The following TRPM7 variants were observed in gnomAD, a reference collection of about 807,000 sequenced individuals.
TRPM7 encodes the protein transient receptor potential cation channel subfamily M member 7, also known as LTRPC ion channel family member 7.
TRPM7 carries 134 observed loss-of-function variants against 229.7 expected under a neutral mutation model. The observed-to-expected ratio is 0.58, with a 90% CI of 0.51 to 0.67. TRPM7 has a LOEUF of 0.67. TRPM7 is among the 30% of genes least tolerant of loss of function. The pLI, the probability that TRPM7 is intolerant of heterozygous loss-of-function variation, is 0.00. For synonymous variants in TRPM7, 699 were observed against 715.2 expected (o/e 0.98, Z 0.36); for missense variants, 1,901 against 2,210.0 (o/e 0.86, Z 2.80).
chr15:50,636,279 C>T (rs2060904945), intron 7 of TRPM7, among the ~76,000 whole-genome samples: 1 of 151,912 alleles, frequency 6.6e-6, no homozygotes, highest in African/African-American at 2.4e-5. Flanking sequence ...CAGCCTCCGC[C>T]TCCTGGGCTC....
intron 1 of TRPM7, among the ~76,000 whole-genome samples, chr15:50,664,966 AAAATAAAT>A (rs1162647271): frequency 6.6e-6 from 1 of 152,216 alleles, no homozygotes; most frequent in African/African-American, 2.4e-5. Context: ...CCCTGTCTTA[AAAATAAAT>A]AAATAATCAG....
intron 1 of TRPM7, among the ~76,000 whole-genome samples, chr15:50,668,489 T>G (rs2061929339): frequency 6.6e-6 from 1 of 152,124 alleles, no homozygotes; most frequent in African/African-American, 2.4e-5. Context: ...ACTCTTAACT[T>G]ATGGCAATAG....
chr15:50,629,822 G>A (rs2060676010), intron 10 of TRPM7, among the ~76,000 whole-genome samples: 1 of 149,352 alleles, frequency 6.7e-6, no homozygotes, highest in Non-Finnish European at 1.5e-5. Flanking sequence ...AAAAGTACAT[G>A]GTAAATAATT....
chr15:50,681,450 G>C (rs1245223253), intron 1 of TRPM7, among the ~76,000 whole-genome samples: 1 of 152,092 alleles, frequency 6.6e-6, no homozygotes, highest in Non-Finnish European at 1.5e-5. Flanking sequence ...TATAGTAAAG[G>C]CTAATGTATA....
chr15:50,623,215 C>T (rs2060461482), intron 12 of TRPM7, among the ~76,000 whole-genome samples: 1 of 151,804 alleles, frequency 6.6e-6, no homozygotes, highest in African/African-American at 2.4e-5. Flanking sequence ...AGATCAAGAC[C>T]ATCCTGGCCA....
At chr15:50,629,600 T>C (rs944631106) in intron 10 of TRPM7, among the ~76,000 whole-genome samples, 1 of 152,126 alleles carries the variant, frequency 6.6e-6, no homozygotes, top group Non-Finnish European at 1.5e-5. Flanking sequence ...CCTCTACTAA[T>C]TATCTATTAC....
intron 2 of TRPM7, among the ~76,000 whole-genome samples, chr15:50,662,165 A>G (rs2061740861): frequency 6.6e-6 from 1 of 152,322 alleles, no homozygotes; most frequent in Non-Finnish European, 1.5e-5. Flanking sequence ...CATCCTGGCT[A>G]ACATGGTGAA....
At chr15:50,603,905 CA>C (rs2059848537) in intron 21 of TRPM7, 1 of 151,416 alleles carries the variant, frequency 6.6e-6, no homozygotes, top group Non-Finnish European at 1.5e-5. Context: ...AAGTCTGAAA[CA>C]AACACATGTG....
chr15:50,575,328 T>G (rs1453383192), intron 33 of TRPM7, among the ~76,000 whole-genome samples, 193 bp from the exon 34 acceptor site: 2 of 152,232 alleles, frequency 1.3e-5, no homozygotes, highest in Non-Finnish European at 2.9e-5. Context: ...TGAATTCATG[T>G]GTAATGTTAG....
rs1566923670 is a variant in TRPM7, at chr15:50,561,502, C to T, written c.*176G>A. The T allele has an allele frequency of 1.1e-5, 7 of 630,832 alleles. No individual in the cohort carries two copies. Among genetic ancestry groups the T allele is most frequent in the Non-Finnish European group, 1.8e-5 (7 of 384,090 alleles). The allele number at this position is 630,832 out of a possible 1,614,324, so 39.1% of individuals were successfully genotyped here. On this transcript the variant is annotated 3_prime_UTR_variant, in exon 39 of 39. Transcript: ENST00000646667. ...AGCTGCCAGCTCTATCCTATAGGGA[C>T]TTTCTGACTGATTAATCAGGTCAAA...
intron 12 of TRPM7, among the ~76,000 whole-genome samples, chr15:50,623,136 G>A (rs949688205): frequency 1.5e-4 from 23 of 152,044 alleles, no homozygotes; most frequent in African/African-American, 5.1e-4. Flanking sequence ...ATTTTTGGCC[G>A]GGTGCAGTGG....
chr15:50,567,859 C>G (rs916355900), intron 38 of TRPM7, among the ~76,000 whole-genome samples: 1 of 151,926 alleles, frequency 6.6e-6, no homozygotes, highest in African/African-American at 2.4e-5. Context: ...GAGGCCGAGG[C>G]AGGCGGATCA....
Position 50,637,461 on chromosome 15 carries a change from C to T in TRPM7, c.793G>A (p.Glu265Lys), listed in dbSNP as rs1354899148. The T allele has an allele frequency of 3.1e-6, 5 of 1,611,644 alleles. No homozygotes were observed. Among genetic ancestry groups the T allele is most frequent in the Non-Finnish European group, 4.2e-6 (5 of 1,179,560 alleles). Residue 265 changes from glutamate to lysine, a missense_variant, in exon 7 of 39, where the codon GAA becomes AAA. This residue lies in a region of TRPM7 where 794 missense variants were observed against 881.9 expected (regional missense o/e 0.90). Transcript: ENST00000646667. ...KYGAEVRLRRELEKTINQQRI... is the reference protein window; with the variant it reads ...KYGAEVRLRRKLEKTINQQRI... The stretch of plus-strand genomic sequence containing the variant: ...TGCTGATTAATAGTTTTTTCAAGTT[C>T]TCTTCTCAGTCTGACTTCCGCCCCA...
chr15:50,578,242 T>A lies in TRPM7; in HGVS notation c.4618+397A>T, dbSNP rs144966052. Among the ~76,000 whole-genome samples the A allele has an allele frequency of 3.9e-5, 6 of 152,276 alleles. No homozygotes were observed. In the East Asian group the frequency reaches 1.2e-3, roughly 29 times the overall value. On this transcript the variant is annotated intron_variant, in intron 31 of 38. Coordinates refer to ENST00000646667, the MANE Select transcript of TRPM7 (RefSeq NM_017672.6). ...TAATGGTCTAAGCTGAAAGCAGCAG[T>A]GGGATGTATAGTGGAGGATGGATTT...
At chr15:50,607,611 C>A (rs1436232976) in intron 19 of TRPM7, among the ~76,000 whole-genome samples, 2 of 152,164 alleles carry the variant, frequency 1.3e-5, no homozygotes, top group Admixed American at 6.5e-5. Context: ...TTTATGTTCT[C>A]AGCATATGCC....
At chr15:50,633,811 T>G (rs962558398) in intron 8 of TRPM7, among the ~76,000 whole-genome samples, 1 of 152,226 alleles carries the variant, frequency 6.6e-6, no homozygotes. Context: ...ATGAAACTAC[T>G]ACGTTAAAAG....
chr15:50,630,148 C>A (rs1023747066), intron 10 of TRPM7, among the ~76,000 whole-genome samples: 7 of 152,092 alleles, frequency 4.6e-5, no homozygotes, highest in African/African-American at 1.7e-4. Flanking sequence ...AGGTGTGAGC[C>A]AGCGCACGCA....
rs563909133 is a variant in TRPM7, at chr15:50,642,522, T to C, written c.535+818A>G. Among the ~76,000 whole-genome samples the C allele has an allele frequency of 2.0e-5, 3 of 152,312 alleles. No individual in the cohort carries two copies. The South Asian group carries it at 6.2e-4, about 32-fold the overall frequency. On this transcript the variant is annotated intron_variant, in intron 5 of 38. Coordinates refer to ENST00000646667, the MANE Select transcript of TRPM7 (RefSeq NM_017672.6). The stretch of plus-strand genomic sequence containing the variant: ...TTCCCCAATGCTGTTCTGGTGATAG[T>C]GACTGAGTTCTCCCAAGATCTGATG...
rs567974930 is a variant in TRPM7 at position 50,558,682 on chromosome 15, G to A, written c.*2996C>T. ...TACTCCGGCCTGGGCAACAGAGTGA[G>A]ACTTCAACTCAAAAAAACAAAAATA... On this transcript the variant is annotated 3_prime_UTR_variant, in exon 39 of 39. Coordinates refer to ENST00000646667, the MANE Select transcript of TRPM7 (RefSeq NM_017672.6). 1.3e-5 allele frequency: 2 copies of A among 151,692 alleles called. No homozygotes were observed. Among genetic ancestry groups the A allele is most frequent in the Non-Finnish European group, 2.9e-5 (2 of 67,992 alleles). 9.4% of individuals were successfully genotyped at this position (151,692 alleles called of 1,614,324 possible). A position where few individuals can be genotyped will look rare whatever the true frequency, so the allele number is the denominator to read the frequency against.
Sources: allele counts gnomAD v4.1 joint callset (sites outside exome capture counted in the v4.1 genomes callset), GRCh38; gene constraint gnomAD v4.1.1; regional missense constraint gnomAD v4.1.1; transcripts MANE v1.5; gene names NCBI Gene and HGNC (gene_info 2026-07-23, HGNC 2026-07-21).